Variants in MYH15 observed in about 807,000 individuals in gnomAD.
The protein encoded by MYH15 is myosin-15.
In MYH15, 227 loss-of-function variants were observed where a neutral mutation model predicts 240.5. That is an observed-to-expected ratio of 0.94 (90% CI 0.85 to 1.05). The LOEUF (loss-of-function observed/expected upper bound fraction) is 1.05, where lower values mean the gene tolerates loss of function less well. Ranked by LOEUF, MYH15 falls within the 50% of genes least tolerant of loss-of-function variation. The pLI, the probability that MYH15 is intolerant of heterozygous loss-of-function variation, is 0.00. For missense variants in MYH15, 2,217 were observed against 2,247.5 expected (o/e 0.99, Z 0.27); for synonymous variants, 785 against 796.7 (o/e 0.99, Z 0.25).
chr3:108,451,831 A>T (rs1368988581), intron 21 of MYH15, among the ~76,000 whole-genome samples: 1 of 152,186 alleles, frequency 6.6e-6, no homozygotes, highest in African/African-American at 2.4e-5. Flanking sequence ...TAACATTTTT[A>T]AAAATCTGTT....
intron 6 of MYH15, among the ~76,000 whole-genome samples, chr3:108,496,662 A>T (rs1178626941): frequency 6.6e-6 from 1 of 152,098 alleles, no homozygotes; most frequent in African/African-American, 2.4e-5. Context: ...TTTCAGTAAT[A>T]TGGGTTTACT....
intron 19 of MYH15, among the ~76,000 whole-genome samples, chr3:108,456,089 G>C (rs2083017233): frequency 6.6e-6 from 1 of 152,132 alleles, no homozygotes; most frequent in Non-Finnish European, 1.5e-5. Flanking sequence ...TCATTTGATT[G>C]ATTGCTCAAT....
At chr3:108,501,454 A>T (rs1426519658) in intron 3 of MYH15, among the ~76,000 whole-genome samples, 1 of 152,234 alleles carries the variant, frequency 6.6e-6, no homozygotes, top group Non-Finnish European at 1.5e-5. Context: ...ACAACTAGTA[A>T]GTGACAGGGC....
intron 15 of MYH15, 82 bp downstream of exon 15, chr3:108,464,556 A>G: frequency 7.6e-7 from 1 of 1,311,660 alleles, no homozygotes; most frequent in Non-Finnish European, 1.0e-6. Flanking sequence ...AACATTACTT[A>G]AATATCATCT....
At chr3:108,509,818 T>A (rs76726193) in intron 1 of MYH15, among the ~76,000 whole-genome samples, 1 of 152,090 alleles carries the variant, frequency 6.6e-6, no homozygotes, top group African/African-American at 2.4e-5. Flanking sequence ...CTTTTTTTTT[T>A]AAGGCTAAAT....
chr3:108,537,527 G>A, the MYH15 span, among the ~76,000 whole-genome samples: 1 of 152,178 alleles, frequency 6.6e-6, no homozygotes, highest in African/African-American at 2.4e-5. Context: ...AAAGAGGCTA[G>A]AGGGAACTAG....
rs1450645453 is a variant in MYH15 at position 108,439,817 on chromosome 3, G to A, written c.2995C>T (p.Leu999=). 2.5e-6 allele frequency: 4 copies of A among 1,613,388 alleles called. No homozygotes were observed. The highest frequency in any genetic ancestry group is 2.2e-5 in the South Asian group (2 of 90,958). ...KVVQEAHQQT[L]DDLHMEEEKL... ...TCCTCCTCCATGTGCAGGTCATCCA[G>A]GGTCTGCTGATGGGCCTCCTGCACA... is the stretch of plus-strand genomic sequence containing the variant. Residue 999 remains leucine, a synonymous_variant, in exon 24 of 41, where the codon CTG becomes TTG. Coordinates refer to ENST00000693548, the MANE Select transcript of MYH15 (RefSeq NM_014981.3).
intron 21 of MYH15, among the ~76,000 whole-genome samples, chr3:108,446,514 C>T (rs2082929650): frequency 6.6e-6 from 1 of 152,170 alleles, no homozygotes; most frequent in African/African-American, 2.4e-5. Flanking sequence ...CGCACAAACA[C>T]TAATGTAAGG....
intron 33 of MYH15, among the ~76,000 whole-genome samples, chr3:108,401,131 A>G (rs939449965): frequency 3.3e-5 from 5 of 152,134 alleles, no homozygotes; most frequent in African/African-American, 4.8e-5. Context: ...TAAAGTTAAT[A>G]TGGACTTTTA....
At position 108,501,802 on chromosome 3, in the gene MYH15, T is replaced by C. The variant is rs369198811; in HGVS notation, c.249A>G (p.Glu83=). ...KIQQMNPPEF[E]MIEDMAMLTH... ...TCAGCATTGCCATGTCTTCAATCAT[T>C]TCAAACTCTGGAGGATTCATCTGCT... Residue 83 remains glutamate (E), a synonymous_variant, in exon 3 of 41, where the codon GAA becomes GAG. Coordinates refer to ENST00000693548, the MANE Select transcript of MYH15 (RefSeq NM_014981.3). The C allele has an allele frequency of 2.7e-5, 44 of 1,614,006 alleles. No individual in the cohort carries two copies. In the African/African-American group the frequency reaches 4.8e-4, roughly 18 times the overall value.
chr3:108,419,263 C>T (rs1461470047), intron 28 of MYH15, among the ~76,000 whole-genome samples: 1 of 152,000 alleles, frequency 6.6e-6, no homozygotes, highest in Non-Finnish European at 1.5e-5. Flanking sequence ...GGAACGTGGA[C>T]CCAGTGAGGG....
At chr3:108,465,937 AAAAC>A (rs1333639161) in intron 14 of MYH15, among the ~76,000 whole-genome samples, 10 of 151,986 alleles carry the variant, frequency 6.6e-5, no homozygotes, top group African/African-American at 1.9e-4. Flanking sequence ...AAAAAACAAA[AAAAC>A]AAACAAAAAA....
chr3:108,437,553 C>A lies in MYH15; in HGVS notation c.3221+1G>T, dbSNP rs754915159. 1.1e-5 allele frequency: 17 copies of A among 1,611,382 alleles called. No homozygotes were observed. Among genetic ancestry groups the A allele is most frequent in the Non-Finnish European group, 1.4e-5 (17 of 1,179,108 alleles). On this transcript the variant is annotated splice_donor_variant, in intron 25 of 40. Transcript: ENST00000693548. LOFTEE classifies it high-confidence loss of function. ...CTCATGTCAACAGAAAGGTGGCTTACTTCCTCAGCTCTTCTGCCAGGTGTC... is the reference window on the plus strand; with the variant it reads ...CTCATGTCAACAGAAAGGTGGCTTAATTCCTCAGCTCTTCTGCCAGGTGTC...
upstream of MYH15, among the ~76,000 whole-genome samples, chr3:108,533,905 T>A (rs189029890): frequency 9.1e-4 from 138 of 152,326 alleles, no homozygotes; most frequent in African/African-American, 2.9e-3. Context: ...AGATAAAAGC[T>A]AGGACTGACC....
chr3:108,414,869 T>G (rs1389943617), intron 29 of MYH15, among the ~76,000 whole-genome samples: 30 of 152,216 alleles, frequency 2.0e-4, no homozygotes, highest in Admixed American at 2.0e-3. Context: ...TATTTCACAC[T>G]GAAATCTCTA....
rs559448412 is a variant in MYH15 at position 108,449,830 on chromosome 3, G to A, written c.2399+4176C>T. 2.0e-5 allele frequency among the ~76,000 whole-genome samples: 3 copies of A among 151,960 alleles called. No homozygotes were observed. The South Asian group carries it at 6.2e-4, about 32-fold the overall frequency. ...GAGAAAATATTTGCAAACTATACAT[G>A]AAATAAAGGGGTAATATTCAAAATT... On this transcript the variant is annotated intron_variant, in intron 21 of 40. Coordinates refer to ENST00000693548, the MANE Select transcript of MYH15 (RefSeq NM_014981.3).
intron 16 of MYH15, 146 bp downstream of exon 16, chr3:108,462,965 A>C: frequency 1.1e-6 from 1 of 873,734 alleles, no homozygotes; most frequent in Admixed American, 2.7e-5. Context: ...CCCAGCCTGA[A>C]GACAGAAAGA....
At chr3:108,467,201 C>T (rs1486969199) in intron 14 of MYH15, among the ~76,000 whole-genome samples, 2 of 151,318 alleles carry the variant, frequency 1.3e-5, no homozygotes, top group African/African-American at 4.9e-5. Flanking sequence ...TTGCTGTGAT[C>T]AATTATCAAA....
chr3:108,496,746 T>A (rs1403458936), intron 6 of MYH15, among the ~76,000 whole-genome samples: 1 of 151,472 alleles, frequency 6.6e-6, no homozygotes, highest in Non-Finnish European at 1.5e-5. Context: ...ATTTATGTAT[T>A]GTATTATATA....
Sources: gnomAD v4.1 joint callset for allele counts (sites outside exome capture counted in the v4.1 genomes callset) on GRCh38, gnomAD v4.1.1 for gene constraint, MANE v1.5 for transcripts, NCBI Gene and HGNC (gene_info 2026-07-23, HGNC 2026-07-21) for gene names.